CRACD: variants seen among roughly 807,000 people sequenced by gnomAD.
CRACD encodes the protein capping protein inhibiting regulator of actin dynamics.
In CRACD, 56 loss-of-function variants were observed where a neutral mutation model predicts 106.8. The ratio of observed to expected loss-of-function variants is 0.52; its 90% CI spans 0.42 to 0.66. The LOEUF (loss-of-function observed/expected upper bound fraction) is 0.66. Among genes scored for constraint, CRACD ranks in the 30% least tolerant of loss-of-function variants. The pLI is 0.00. For missense variants in CRACD, 1,730 were observed against 1,623.2 expected (o/e 1.07, Z -1.13); for synonymous variants, 754 against 670.8 (o/e 1.12, Z -1.92).
At chr4:56,261,954 A>G (rs1401825469) in intron 2 of CRACD, among the ~76,000 whole-genome samples, 1 of 152,210 alleles carries the variant, frequency 6.6e-6, no homozygotes, top group Non-Finnish European at 1.5e-5. Context: ...AAATCATGAA[A>G]TGAAAACCAC....
At chr4:56,117,747 T>G (rs559080358) in intron 1 of CRACD, among the ~76,000 whole-genome samples, 14 of 152,270 alleles carry the variant, frequency 9.2e-5, no homozygotes, top group Admixed American at 1.3e-4. Context: ...AAAAGTCAAA[T>G]ATTTTATGAA....
At chr4:56,107,895 G>T (rs1418220463) in intron 1 of CRACD, among the ~76,000 whole-genome samples, 1 of 152,212 alleles carries the variant, frequency 6.6e-6, no homozygotes, top group Non-Finnish European at 1.5e-5. Flanking sequence ...GCCATCGCTA[G>T]TTGCTTACAA....
At chr4:56,255,419 G>T (rs138707671) in intron 2 of CRACD, among the ~76,000 whole-genome samples, 4 of 151,988 alleles carry the variant, frequency 2.6e-5, no homozygotes, top group Non-Finnish European at 2.9e-5. Flanking sequence ...TAAAGACATA[G>T]AAACCTTGAA....
At chr4:56,248,325 G>C (rs1740823605) in intron 2 of CRACD, among the ~76,000 whole-genome samples, 2 of 152,150 alleles carry the variant, frequency 1.3e-5, no homozygotes, top group African/African-American at 4.8e-5. Context: ...CTCATACCTG[G>C]AAGACTCTGT....
intron 1 of CRACD, among the ~76,000 whole-genome samples, chr4:56,109,345 CT>C (rs1028490772): frequency 9.0e-6 from 1 of 111,272 alleles, no homozygotes; most frequent in Non-Finnish European, 1.9e-5. Context: ...TATTCTTATT[CT>C]ATTTTCTTTA....
intron 1 of CRACD, among the ~76,000 whole-genome samples, chr4:56,163,490 A>G (rs1338477017): frequency 6.6e-6 from 1 of 151,860 alleles, no homozygotes; most frequent in Non-Finnish European, 1.5e-5. Context: ...TTGTTCATAT[A>G]GAGTCCCCTT....
At chr4:56,214,338 T>C (rs145203020) in intron 2 of CRACD, among the ~76,000 whole-genome samples, 253 of 152,320 alleles carry the variant, frequency 1.7e-3, no homozygotes, top group African/African-American at 5.8e-3. Context: ...CTTACGCCTA[T>C]AATTCCAGCA....
At chr4:56,061,429 C>T (rs1732270518) in intron 1 of CRACD, among the ~76,000 whole-genome samples, 1 of 151,700 alleles carries the variant, frequency 6.6e-6, no homozygotes, top group Admixed American at 6.6e-5. Context: ...GCCTTGGCCT[C>T]CCAAACTGCT....
chr4:56,318,001 A>G (rs914058113), intron 8 of CRACD, among the ~76,000 whole-genome samples: 2 of 152,212 alleles, frequency 1.3e-5, no homozygotes, highest in East Asian at 1.9e-4. Flanking sequence ...TCCCAGAGAA[A>G]TTGTCCCCTG....
chr4:56,051,802 G>T (rs1731884830), intron 1 of CRACD, among the ~76,000 whole-genome samples: 1 of 152,172 alleles, frequency 6.6e-6, no homozygotes, highest in Admixed American at 6.5e-5. Context: ...AAATACACAA[G>T]TTCTCGAGGC....
intron 2 of CRACD, among the ~76,000 whole-genome samples, chr4:56,196,732 G>A (rs1737631800): frequency 6.6e-6 from 1 of 151,940 alleles, no homozygotes; most frequent in South Asian, 2.1e-4. Flanking sequence ...ATAAGCACAA[G>A]AAGCAATAAA....
intron 1 of CRACD, among the ~76,000 whole-genome samples, chr4:56,148,081 C>T (rs1313080728): frequency 6.6e-6 from 1 of 152,118 alleles, no homozygotes; most frequent in Non-Finnish European, 1.5e-5. Flanking sequence ...GGAGGGAGGC[C>T]TCAGGAAAAA....
At chr4:56,267,904 A>G (rs990928726) in intron 2 of CRACD, among the ~76,000 whole-genome samples, 2 of 152,194 alleles carry the variant, frequency 1.3e-5, no homozygotes, top group Non-Finnish European at 2.9e-5. Flanking sequence ...GAAGGAGGCC[A>G]TTCTCTGCTG....
chr4:56,328,663 C>A lies in CRACD; in HGVS notation c.*859C>A. ...CCTACTCAATCAGAGCCTGTGGGGA[C>A]TGGGCCAGGAATATGTATTCTGGCA... On this transcript the variant is annotated 3_prime_UTR_variant, in exon 11 of 11. Coordinates refer to ENST00000682029, the MANE Select transcript of CRACD (RefSeq NM_001393381.1). The A allele has an allele frequency of 4.2e-6, 1 of 237,374 alleles. No homozygotes were observed. Among genetic ancestry groups the A allele is most frequent in the South Asian group, 5.7e-5 (1 of 17,428 alleles). 14.7% of individuals were successfully genotyped at this position (237,374 alleles called of 1,614,324 possible).
At chr4:56,301,341 C>G (rs58767323) in intron 4 of CRACD, 179,123 of 829,072 alleles carry the variant, frequency 0.22, 22,156 homozygotes, top group East Asian at 0.63. Context: ...GCTTAGTAAG[C>G]AGCCTAAGAG....
intron 1 of CRACD, among the ~76,000 whole-genome samples, chr4:56,079,372 C>T (rs908813898): frequency 5.9e-5 from 9 of 151,750 alleles, no homozygotes; most frequent in Non-Finnish European, 1.5e-5. Flanking sequence ...TATTTTTTTC[C>T]CTCCAGGGGA....
At chr4:56,125,853 C>T (rs1734644935) in intron 1 of CRACD, among the ~76,000 whole-genome samples, 1 of 146,190 alleles carries the variant, frequency 6.8e-6, no homozygotes, top group African/African-American at 2.5e-5. Context: ...CTCACTGCAA[C>T]CTCCGCCTCC....
chr4:56,160,716 T>C (rs1158605361), intron 1 of CRACD, among the ~76,000 whole-genome samples: 2 of 152,226 alleles, frequency 1.3e-5, no homozygotes, highest in Non-Finnish European at 2.9e-5. Flanking sequence ...AGGACAGTCA[T>C]GCCTACCTTT....
At chr4:56,119,295 A>G (rs979560048) in intron 1 of CRACD, among the ~76,000 whole-genome samples, 1 of 152,138 alleles carries the variant, frequency 6.6e-6, no homozygotes, top group African/African-American at 2.4e-5. Context: ...AAGGAATGTT[A>G]CAAAGTGATA....
Sources: gnomAD v4.1 joint callset for allele counts (sites outside exome capture counted in the v4.1 genomes callset) on GRCh38, gnomAD v4.1.1 for gene constraint, MANE v1.5 for transcripts, NCBI Gene and HGNC (gene_info 2026-07-23, HGNC 2026-07-21) for gene names.